The following WNK1 variants were observed in gnomAD, a reference collection of about 807,000 sequenced individuals.
WNK1 encodes the protein WNK lysine deficient protein kinase 1, also known as serine/threonine-protein kinase WNK1.
In WNK1, 38 loss-of-function variants were observed where a neutral mutation model predicts 222.8. The observed-to-expected ratio is 0.17, with a 90% CI of 0.13 to 0.22. The LOEUF is 0.22. WNK1 is among the 10% of genes least tolerant of loss of function. The pLI is 1.00. For missense variants in WNK1, 2,348 were observed against 2,918.4 expected (o/e 0.80, Z 4.50); for synonymous variants, 1,090 against 1,092.9 (o/e 1.00, Z 0.05).
chr12:771,632 A>G (rs1302012135), intron 1 of WNK1, among the ~76,000 whole-genome samples: 1 of 151,740 alleles, frequency 6.6e-6, no homozygotes, highest in Admixed American at 6.6e-5. Flanking sequence ...ACACGGTTTC[A>G]CCATATTGGC....
At chr12:847,018 A>AGG (rs900442292) in intron 4 of WNK1, among the ~76,000 whole-genome samples, 8 of 152,296 alleles carry the variant, frequency 5.3e-5, no homozygotes, top group Non-Finnish European at 1.0e-4. Flanking sequence ...TTCCAGTACT[A>AGG]GGGGGCTATA....
intron 1 of WNK1, among the ~76,000 whole-genome samples, chr12:756,290 C>T (rs1940019455): frequency 6.6e-6 from 1 of 152,084 alleles, no homozygotes; most frequent in African/African-American, 2.4e-5. Context: ...TTCCTTTTAT[C>T]ACCTGGAATT....
In WNK1 at chr12:907,887, C is replaced by G; in HGVS notation, c.6684C>G (p.Ser2228Arg). ...ACACTGTTGGGGCAACAGTGAACAG[C>G]CAAGCCGCCCAAGCTCAGCCTCCTG... ...STNTVGATVN[S>R]QAAQAQPPAM... is the part of the protein sequence containing the mutation. The change falls in exon 27 of 28, where the codon AGC becomes AGG. Residue 2228 changes from serine (S) to arginine (R), a missense_variant. Physicochemically the swap from Ser to Arg is moderately radical, Grantham distance 110 (BLOSUM62 -1). Around this residue, in one of 13 missense-constraint regions of WNK1, gnomAD observed 1,144 missense variants for 1,273.6 expected, o/e 0.90. Coordinates refer to ENST00000315939, the MANE Select transcript of WNK1 (RefSeq NM_018979.4). 1 of 1,614,044 alleles carries G rather than the reference C, an allele frequency of 6.2e-7. No individual in the cohort carries two copies. Among genetic ancestry groups the G allele is most frequent in the Non-Finnish European group, 8.5e-7 (1 of 1,180,022 alleles).
intron 2 of WNK1, among the ~76,000 whole-genome samples, chr12:821,664 G>A (rs542833617): frequency 1.3e-5 from 2 of 152,294 alleles, no homozygotes; most frequent in East Asian, 3.9e-4. Flanking sequence ...TTACTGTAGT[G>A]TCTACTAATT....
rs966530109 is a variant in WNK1, at chr12:753,650, T to A, written c.85T>A (p.Ser29Thr). ...SPPAPAPKNG[S>T]SSDSSVGEKL... ...GCCGGCTCCTGCCCCCAAGAATGGC[T>A]CCAGCTCCGATTCCTCCGTGGGGGA... Residue 29 changes from serine (S) to threonine (T), a missense_variant, in exon 1 of 28, where the codon TCC (serine) becomes ACC (threonine). By Grantham distance (58) the Ser-to-Thr change is moderately conservative (BLOSUM62 1). Around this residue, in one of 13 missense-constraint regions of WNK1, gnomAD observed 108 missense variants for 109.7 expected, o/e 0.98. Coordinates refer to ENST00000315939, the MANE Select transcript of WNK1 (RefSeq NM_018979.4). This position sits in a 1 kb window ranked among gnomAD's most constrained non-coding sequence, Gnocchi z 5.2. The A allele has an allele frequency of 6.2e-7, 1 of 1,612,214 alleles. No individual in the cohort carries two copies. Among genetic ancestry groups the A allele is most frequent in the African/African-American group, 1.3e-5 (1 of 74,752 alleles).
chr12:897,778 A>ATTCC, intron 25 of WNK1, 97 bp downstream of exon 25: 1 of 1,327,552 alleles, frequency 7.5e-7, no homozygotes, highest in Non-Finnish European at 1.1e-6. Context: ...TTTTTGTTAA[A>ATTCC]TTTCAAAGGA....
At chr12:815,578 A>G (rs996920413) in intron 2 of WNK1, among the ~76,000 whole-genome samples, 4 of 152,238 alleles carry the variant, frequency 2.6e-5, no homozygotes, top group African/African-American at 4.8e-5. Flanking sequence ...AACTAGCACT[A>G]TATACCTAGT....
At position 839,442 on chromosome 12, in the gene WNK1, A is replaced by C. The variant is rs976438943; in HGVS notation, c.1311+9282A>C. Among the ~76,000 whole-genome samples, 14 of 152,198 alleles carry C rather than the reference A, an allele frequency of 9.2e-5. 1 individual carries two copies. The highest frequency in any genetic ancestry group is 2.7e-4 in the African/African-American group (11 of 41,452). ...AGTTAAAAAGGTATTGAAGTAATCT[A>C]AGGGAAATGACTAATAGTCTGAAAT... On this transcript the variant is annotated intron_variant, in intron 4 of 27. Coordinates refer to ENST00000315939, the MANE Select transcript of WNK1 (RefSeq NM_018979.4).
At chr12:834,126 G>T (rs1005106561) in intron 4 of WNK1, among the ~76,000 whole-genome samples, 17 of 152,138 alleles carry the variant, frequency 1.1e-4, no homozygotes, top group African/African-American at 4.1e-4. Context: ...TAAGAAGCAG[G>T]AATAGGATTT....
intron 1 of WNK1, among the ~76,000 whole-genome samples, chr12:775,447 C>T (rs1399723164): frequency 6.6e-6 from 1 of 152,122 alleles, no homozygotes; most frequent in African/African-American, 2.4e-5. Context: ...AGAAGTTTGA[C>T]GTGTAATCCC....
At chr12:905,952 C>T (rs1225746060) in intron 26 of WNK1, among the ~76,000 whole-genome samples, 2 of 152,142 alleles carry the variant, frequency 1.3e-5, no homozygotes, top group Admixed American at 1.3e-4. Context: ...TGCAGCTTCA[C>T]CTCAGAATTA....
chr12:857,290 C>A, intron 5 of WNK1, 41 bp downstream of exon 5: 1 of 1,545,182 alleles, frequency 6.5e-7, no homozygotes, highest in South Asian at 1.1e-5. Context: ...TTGAACAAAA[C>A]CTAAAAAGTA....
chr12:759,670 G>A (rs1940741669), intron 1 of WNK1, among the ~76,000 whole-genome samples: 1 of 147,736 alleles, frequency 6.8e-6, no homozygotes, highest in Non-Finnish European at 1.5e-5. Context: ...GAATAGGTGA[G>A]ACTTAGCATG....
intron 1 of WNK1, among the ~76,000 whole-genome samples, chr12:791,772 A>G (rs1476028304): frequency 6.6e-6 from 1 of 151,946 alleles, no homozygotes; most frequent in African/African-American, 2.4e-5. Context: ...CCCTTTCTTG[A>G]TAATTTTTTT....
In WNK1 at chr12:762,787, G is replaced by A. The variant is rs185562985; in HGVS notation, c.759+8463G>A. On this transcript the variant is annotated intron_variant, in intron 1 of 27. Coordinates refer to ENST00000315939, the MANE Select transcript of WNK1 (RefSeq NM_018979.4). ...TTTGAGACAGAGTTTCACTCTTGTT[G>A]CCCAGCTGGAGTGCAATGGCGCGAT... 1.4e-5 allele frequency among the ~76,000 whole-genome samples: 2 copies of A among 145,834 alleles called. 1 individual carries two copies. The highest frequency in any genetic ancestry group is 3.9e-4 in the East Asian group (2 of 5,074).
intron 26 of WNK1, among the ~76,000 whole-genome samples, chr12:905,391 G>A (rs1365745408): frequency 1.3e-5 from 2 of 152,072 alleles, no homozygotes; most frequent in Admixed American, 1.3e-4. Flanking sequence ...TCCTGTATTA[G>A]GTAATGTAGG....
At chr12:821,478 G>A (rs1264920441) in intron 2 of WNK1, among the ~76,000 whole-genome samples, 1 of 152,180 alleles carries the variant, frequency 6.6e-6, no homozygotes, top group African/African-American at 2.4e-5. Flanking sequence ...TTTCTTGAAG[G>A]AATGTTCCAT....
At chr12:797,908 C>G (rs1203380817) in intron 1 of WNK1, among the ~76,000 whole-genome samples, 3 of 148,198 alleles carry the variant, frequency 2.0e-5, no homozygotes, top group Non-Finnish European at 4.5e-5. Context: ...GAGATCGCAC[C>G]ACTGCACTCC....
chr12:855,996 C>T (rs961135601), intron 4 of WNK1, among the ~76,000 whole-genome samples: 2 of 151,880 alleles, frequency 1.3e-5, no homozygotes, highest in East Asian at 2.0e-4. Flanking sequence ...TGCGCCACCA[C>T]GCCCATCTAA....
Sources: gnomAD v4.1 joint callset for allele counts (sites outside exome capture counted in the v4.1 genomes callset) on GRCh38, gnomAD v4.1.1 for gene constraint, gnomAD v4.1.1 regional missense constraint, Gnocchi (gnomAD v3.1) non-coding constraint, MANE v1.5 for transcripts, NCBI Gene and HGNC (gene_info 2026-07-23, HGNC 2026-07-21) for gene names.